The following IFIT1B variants were observed in gnomAD, a reference collection of about 807,000 sequenced individuals.
IFIT1B encodes protein IFIT1 homolog B.
In IFIT1B, 3 loss-of-function variants were observed where a neutral mutation model predicts 2.5. The observed-to-expected ratio is 1.21, with a 90% CI of 0.55 to 3.14. The LOEUF is 3.14. Ranked by LOEUF, IFIT1B falls within the 30% of genes most tolerant of loss-of-function variation. IFIT1B has a pLI of 0.03. For synonymous variants in IFIT1B, 196 were observed against 203.0 expected, an observed-to-expected ratio of 0.97 and a Z score of 0.29; for missense variants, 545 against 556.5, an observed-to-expected ratio of 0.98 and a Z score of 0.21.
At chr10:89,378,392 C>T (rs989057811) in intron 1 of IFIT1B, among the ~76,000 whole-genome samples, 3 of 152,044 alleles carry the variant, frequency 2.0e-5, no homozygotes, top group African/African-American at 4.8e-5. Flanking sequence ...CGGGAAGAGG[C>T]GTGTTGGTTT....
chr10:89,383,331 T>C lies in IFIT1B; in HGVS notation c.18T>C (p.Asp6=). 1.9e-6 allele frequency: 3 copies of C among 1,611,928 alleles called. No homozygotes were observed. The highest frequency in any genetic ancestry group is 2.5e-6 in the Non-Finnish European group (3 of 1,178,774). Residue 6 remains aspartate, a synonymous_variant, in exon 2 of 2, where the codon GAT becomes GAC. Coordinates refer to ENST00000371809, the MANE Select transcript of IFIT1B (RefSeq NM_001010987.2). ...CCTATTTTTACAGTGAAGAATCTGA[T>C]GGAAAGCTTATTGAAGACAGCCTGA... MSEES[D]GKLIEDSLIQ...
chr10:89,379,524 C>T (rs2133601756), intron 1 of IFIT1B, among the ~76,000 whole-genome samples: 1 of 152,254 alleles, frequency 6.6e-6, no homozygotes, highest in East Asian at 1.9e-4. Flanking sequence ...AATGCTTTCA[C>T]TCAAAAGTAT....
At chr10:89,382,717 G>A (rs181323392) in intron 1 of IFIT1B, among the ~76,000 whole-genome samples, 1 of 152,318 alleles carries the variant, frequency 6.6e-6, no homozygotes, top group Admixed American at 6.5e-5. Context: ...CACCCACTTG[G>A]AACCCCTCCA....
intron 1 of IFIT1B, among the ~76,000 whole-genome samples, chr10:89,381,324 T>G (rs1027542538): frequency 6.6e-6 from 1 of 151,854 alleles, no homozygotes; most frequent in Non-Finnish European, 1.5e-5. Flanking sequence ...TCTGTAGGGG[T>G]GGTGACTATT....
chr10:89,383,570 A>G lies in IFIT1B; in HGVS notation c.257A>G (p.His86Arg). The change falls in exon 2 of 2, where the codon CAT becomes CGT. Residue 86 changes from histidine to arginine, a missense_variant. His to Arg is a conservative substitution (Grantham distance 29). Coordinates refer to ENST00000371809, the MANE Select transcript of IFIT1B (RefSeq NM_001010987.2). Reference protein sequence around the residue: ...KKAEDLIQKEHANQADIRSLV... With the variant: ...KKAEDLIQKERANQADIRSLV... ...GCTGAAGACTTAATTCAGAAAGAAC[A>G]TGCCAACCAAGCAGATATTAGAAGT... 6.2e-7 allele frequency: 1 copy of G among 1,614,228 alleles called. No homozygotes were observed. Among genetic ancestry groups the G allele is most frequent in the Non-Finnish European group, 8.5e-7 (1 of 1,180,040 alleles).
intron 1 of IFIT1B, among the ~76,000 whole-genome samples, chr10:89,380,941 T>C (rs562553749): frequency 2.8e-4 from 43 of 152,302 alleles, no homozygotes; most frequent in African/African-American, 9.9e-4. Flanking sequence ...ATAATTCTCT[T>C]CTGGAACTTG....
At chr10:89,378,299 G>GTTC (rs1844137296) in intron 1 of IFIT1B, among the ~76,000 whole-genome samples, 159 bp downstream of exon 1, 1 of 152,176 alleles carries the variant, frequency 6.6e-6, no homozygotes, top group Non-Finnish European at 1.5e-5. Flanking sequence ...ACCAAGAAGA[G>GTTC]TTTAATAAGG....
In IFIT1B at chr10:89,384,833, C is replaced by G; in HGVS notation, c.*95C>G. The G allele has an allele frequency of 2.6e-6, 3 of 1,149,424 alleles. No individual in the cohort carries two copies. Among genetic ancestry groups the G allele is most frequent in the Non-Finnish European group, 3.7e-6 (3 of 808,330 alleles). 71.2% of individuals were successfully genotyped at this position (1,149,424 alleles called of 1,614,324 possible). On this transcript the variant is annotated 3_prime_UTR_variant, in exon 2 of 2. Transcript: ENST00000371809. ...AAACTTAAAGCTGTTGGAAATTTAC[C>G]TTATTTTGAGCCTTGAGAGGAATGT...
At position 89,378,946 on chromosome 10, in the gene IFIT1B, G is replaced by A. The variant is rs775954809; in HGVS notation, c.5+806G>A. ...TAAAGACTGTTCACCAGGGAACAGA[G>A]GCCTGAGCCTAGAGAGGAGACTGGC... On this transcript the variant is annotated intron_variant, in intron 1 of 1. Transcript: ENST00000371809. 4.6e-5 allele frequency among the ~76,000 whole-genome samples: 7 copies of A among 152,232 alleles called. No individual in the cohort carries two copies. The East Asian group carries it at 1.3e-3, about 29-fold the overall frequency.
intron 1 of IFIT1B, among the ~76,000 whole-genome samples, chr10:89,381,473 G>T (rs1416468301): frequency 6.6e-6 from 1 of 152,122 alleles, no homozygotes. Flanking sequence ...GAAGATTTCT[G>T]GGACTCCTCA....
chr10:89,379,861 C>T (rs1216573384), intron 1 of IFIT1B, among the ~76,000 whole-genome samples: 4 of 151,966 alleles, frequency 2.6e-5, no homozygotes, highest in Admixed American at 6.6e-5. Flanking sequence ...GGTGAAACCC[C>T]GCCTCTTCTA....
chr10:89,383,819 A>G lies in IFIT1B; in HGVS notation c.506A>G (p.Glu169Gly). 1 of 1,614,210 alleles carries G rather than the reference A, an allele frequency of 6.2e-7. No individual in the cohort carries two copies. The highest frequency in any genetic ancestry group is 8.5e-7 in the Non-Finnish European group (1 of 1,180,042). Reference protein sequence around the residue: ...RAKTCFEKALEGNPENPEFNT... With the variant: ...RAKTCFEKALGGNPENPEFNT... ...AAGACCTGCTTTGAAAAGGCTCTGG[A>G]AGGGAACCCTGAAAACCCTGAATTC... is the stretch of plus-strand genomic sequence containing the variant. The change falls in exon 2 of 2, where the codon GAA (glutamate) becomes GGA (glycine). Residue 169 changes from glutamate (E) to glycine (G), a missense_variant. By Grantham distance (98) the Glu-to-Gly change is moderately conservative. Coordinates refer to ENST00000371809, the MANE Select transcript of IFIT1B (RefSeq NM_001010987.2).
Position 89,384,152 on chromosome 10 carries a change from C to A in IFIT1B, c.839C>A (p.Thr280Lys). The change falls in exon 2 of 2, where the codon ACA becomes AAA. Residue 280 changes from threonine to lysine, a missense_variant. Thr to Lys is a moderately conservative substitution (Grantham distance 78, BLOSUM62 -1). Coordinates refer to ENST00000371809, the MANE Select transcript of IFIT1B (RefSeq NM_001010987.2). The stretch of plus-strand genomic sequence containing the variant: ...GAGCTCTTAAAAATGGCCTTGGAGA[C>A]AACACCCACTTCTGCCTTCCTGCAT... ...ALELLKMALE[T>K]TPTSAFLHHQ... is the part of the protein sequence containing the mutation. 6.2e-7 allele frequency: 1 copy of A among 1,614,196 alleles called. No homozygotes were observed. Among genetic ancestry groups the A allele is most frequent in the Non-Finnish European group, 8.5e-7 (1 of 1,180,038 alleles).
Position 89,384,219 on chromosome 10 carries a change from C to T in IFIT1B, c.906C>T (p.Ile302=). The T allele has an allele frequency of 6.2e-7, 1 of 1,614,142 alleles. No homozygotes were observed. Among genetic ancestry groups the T allele is most frequent in the South Asian group, 1.1e-5 (1 of 91,086 alleles). ...GCTACAGGGCACAAATGATCCAAATCAAGGAAGCTACAAACTGGCAGCCTA... is the reference window on the plus strand; with the variant it reads ...GCTACAGGGCACAAATGATCCAAATTAAGGAAGCTACAAACTGGCAGCCTA... ...GLCYRAQMIQ[I]KEATNWQPRG... Residue 302 remains isoleucine, a synonymous_variant, in exon 2 of 2, where the codon ATC becomes ATT. Coordinates refer to ENST00000371809, the MANE Select transcript of IFIT1B (RefSeq NM_001010987.2).
At position 89,378,097 on chromosome 10, in the gene IFIT1B, A is replaced by T. The variant is rs762644023; in HGVS notation, c.-39A>T. 3.1e-6 allele frequency: 5 copies of T among 1,613,250 alleles called. No homozygotes were observed. Among genetic ancestry groups the T allele is most frequent in the Non-Finnish European group, 4.2e-6 (5 of 1,179,226 alleles). ...ACCTTGAAGGAGCCTCCAAGCCTGA[A>T]CCAAAGCACTACAGATCACCTGCTA... On this transcript the variant is annotated 5_prime_UTR_variant, in exon 1 of 2. Coordinates refer to ENST00000371809, the MANE Select transcript of IFIT1B (RefSeq NM_001010987.2).
In IFIT1B at chr10:89,384,945, A is replaced by G. The variant is rs1374827630; in HGVS notation, c.*207A>G. 5 of 536,336 alleles carry G rather than the reference A, an allele frequency of 9.3e-6. No individual in the cohort carries two copies. The highest frequency in any genetic ancestry group is 9.9e-6 in the Non-Finnish European group (3 of 304,046). 33.2% of individuals were successfully genotyped at this position (536,336 alleles called of 1,614,324 possible). A position where few individuals can be genotyped will look rare whatever the true frequency, so the allele number is the denominator to read the frequency against. ...CAGGAAAGGCCTTGTGGCACCAGAC[A>G]TAAGACCCCCTGAAAGTATCATCCC... On this transcript the variant is annotated 3_prime_UTR_variant, in exon 2 of 2. Transcript: ENST00000371809.
At chr10:89,381,665 G>A (rs921689377) in intron 1 of IFIT1B, among the ~76,000 whole-genome samples, 2 of 152,190 alleles carry the variant, frequency 1.3e-5, no homozygotes, top group African/African-American at 4.8e-5. Context: ...GCTGTGTTGA[G>A]CTGCCAGCTG....
At chr10:89,380,202 T>A (rs1310123122) in intron 1 of IFIT1B, among the ~76,000 whole-genome samples, 1 of 152,132 alleles carries the variant, frequency 6.6e-6, no homozygotes, top group Non-Finnish European at 1.5e-5. Flanking sequence ...CTAAGGGGAA[T>A]CTGGACTATC....
chr10:89,382,087 C>T (rs1035362203), intron 1 of IFIT1B, among the ~76,000 whole-genome samples: 2 of 151,890 alleles, frequency 1.3e-5, no homozygotes, highest in Admixed American at 6.6e-5. Flanking sequence ...TTTTCTTTCC[C>T]TTTATTTTCA....
Sources: allele counts gnomAD v4.1 joint callset (sites outside exome capture counted in the v4.1 genomes callset), GRCh38; gene constraint gnomAD v4.1.1; transcripts MANE v1.5; gene names NCBI Gene and HGNC (gene_info 2026-07-23, HGNC 2026-07-21).